Variants in DIAPH2 observed in about 807,000 individuals in gnomAD.
DIAPH2 encodes diaphanous related formin 2, also known as protein diaphanous homolog 2.
DIAPH2 carries 35 observed loss-of-function variants against 92.7 expected under a neutral mutation model. That is an observed-to-expected ratio of 0.38 (90% CI 0.29 to 0.50). The LOEUF (loss-of-function observed/expected upper bound fraction) is 0.50, where lower values mean the gene tolerates loss of function less well. Among genes scored for constraint, DIAPH2 ranks in the 20% least tolerant of loss-of-function variants. The pLI, the probability that DIAPH2 is intolerant of heterozygous loss-of-function variation, is 0.94. For missense variants in DIAPH2, 701 were observed against 819.5 expected (o/e 0.86, Z 1.77); for synonymous variants, 301 against 280.4 (o/e 1.07, Z -0.73).
intron 17 of DIAPH2, among the ~76,000 whole-genome samples, chrX:97,045,848 A>ATTTTTTTT (rs758666786): frequency 3.7e-4 from 24 of 64,422 alleles, no homozygotes; most frequent in African/African-American, 1.3e-3. Context: ...GTATTTTAGG[A>ATTTTTTTT]TTTTTTTTTT....
At chrX:97,308,490 C>T (rs1328417303) in intron 23 of DIAPH2, among the ~76,000 whole-genome samples, 4 of 110,743 alleles carry the variant, frequency 3.6e-5, no homozygotes, top group African/African-American at 1.3e-4. Flanking sequence ...TGTTAAAAAG[C>T]CTCTGCTAAG....
intron 26 of DIAPH2, among the ~76,000 whole-genome samples, chrX:97,577,964 A>G (rs1451299586): frequency 9.1e-6 from 1 of 110,410 alleles, no homozygotes; most frequent in Non-Finnish European, 1.9e-5. Context: ...ACTTGTTACC[A>G]TTTTTATTGT....
chrX:97,350,273 G>C (rs1348631438), intron 24 of DIAPH2, among the ~76,000 whole-genome samples: 1 of 110,790 alleles, frequency 9.0e-6, no homozygotes, highest in Non-Finnish European at 1.9e-5. Context: ...GAGACAGTGA[G>C]ACTCTCTGTC....
chrX:96,730,653 C>T (rs1314638273), intron 1 of DIAPH2, among the ~76,000 whole-genome samples: 1 of 111,910 alleles, frequency 8.9e-6, no homozygotes, highest in Non-Finnish European at 1.9e-5. Context: ...TCAGAACTCT[C>T]AGAAGCTTTA....
At chrX:96,881,812 G>C in intron 5 of DIAPH2, 94 bp downstream of exon 5, 1 of 940,714 alleles carries the variant, frequency 1.1e-6, no homozygotes, top group Non-Finnish European at 1.5e-6. Flanking sequence ...TAAACCTCAA[G>C]ATTTCCTGAC....
chrX:97,334,672 AAAAAC>A lies in DIAPH2; in HGVS notation c.2845-13429_2845-13425del, dbSNP rs1234646759. ...TTTATTTTACCACATGCTAGTTTAA[AAAAAC>A]AAAACAAAACAAAAAAAAAAACAGA... On this transcript the variant is annotated intron_variant, in intron 23 of 26. Transcript: ENST00000324765. Among the ~76,000 whole-genome samples the A allele has an allele frequency of 9.5e-5, 10 of 105,415 alleles. No homozygotes were observed. In the East Asian group the frequency reaches 1.2e-3, roughly 12 times the overall value. 91.5% of individuals were successfully genotyped at this position (105,415 alleles called of 115,157 possible). A position where few individuals can be genotyped will look rare whatever the true frequency, so the allele number is the denominator to read the frequency against.
chrX:97,417,291 C>T, intron 25 of DIAPH2, among the ~76,000 whole-genome samples: 1 of 110,545 alleles, frequency 9.0e-6, no homozygotes, highest in Admixed American at 9.7e-5. Context: ...AAGGATGATA[C>T]ACTCCTCAAT....
intron 25 of DIAPH2, among the ~76,000 whole-genome samples, chrX:97,427,168 ACT>A (rs1270334684): frequency 9.4e-6 from 1 of 106,535 alleles, no homozygotes; most frequent in Admixed American, 1.0e-4. Flanking sequence ...ACAGAGTGAG[ACT>A]CTGGCTCAAA....
chrX:97,050,996 G>A (rs755403195), intron 17 of DIAPH2, among the ~76,000 whole-genome samples: 1 of 111,380 alleles, frequency 9.0e-6, no homozygotes, highest in Non-Finnish European at 1.9e-5. Context: ...ATAGAATTTA[G>A]CTTTTGGTCT....
At chrX:96,991,292 A>AT (rs1333008844) in intron 17 of DIAPH2, among the ~76,000 whole-genome samples, 1 of 109,354 alleles carries the variant, frequency 9.1e-6, no homozygotes, top group East Asian at 2.9e-4. Context: ...ATTTTTTTGT[A>AT]TTTTTTGTAG....
chrX:97,410,292 A>G (rs565642203), intron 25 of DIAPH2, among the ~76,000 whole-genome samples: 2 of 111,803 alleles, frequency 1.8e-5, no homozygotes, highest in African/African-American at 6.5e-5. Context: ...CTTCCAGCAG[A>G]CTCCACCAGA....
At position 96,781,498 on chromosome X, in the gene DIAPH2, C is replaced by A. The variant is rs1376021774; in HGVS notation, c.447+23240C>A. Among the ~76,000 whole-genome samples, 3 of 111,297 alleles carry A rather than the reference C, an allele frequency of 2.7e-5. No homozygotes were observed. In the Admixed American group the frequency reaches 2.9e-4, roughly 11 times the overall value. ...ACCACATTCACTATCCATTTTATATCCATATCTTGATTTCTGCCCTTCTAA... is the reference window on the plus strand; with the variant it reads ...ACCACATTCACTATCCATTTTATATACATATCTTGATTTCTGCCCTTCTAA... On this transcript the variant is annotated intron_variant, in intron 4 of 26. Transcript: ENST00000324765.
intron 26 of DIAPH2, among the ~76,000 whole-genome samples, chrX:97,573,774 C>G (rs2071385246): frequency 9.3e-6 from 1 of 108,088 alleles, no homozygotes; most frequent in South Asian, 4.2e-4. Context: ...GATTCTCCAG[C>G]CTCAGCCTCC....
At chrX:96,707,177 G>C (rs2063890323) in intron 1 of DIAPH2, among the ~76,000 whole-genome samples, 1 of 108,876 alleles carries the variant, frequency 9.2e-6, no homozygotes. Context: ...CTGATGGATT[G>C]ATTGATTTAG....
At chrX:96,899,665 G>A (rs1397402897) in intron 5 of DIAPH2, among the ~76,000 whole-genome samples, 3 of 111,036 alleles carry the variant, frequency 2.7e-5, no homozygotes, top group Admixed American at 9.6e-5. Flanking sequence ...CAATCATGTC[G>A]TCTGCAAACA....
intron 23 of DIAPH2, among the ~76,000 whole-genome samples, chrX:97,253,185 G>A (rs1244316634): frequency 9.2e-6 from 1 of 109,231 alleles, no homozygotes; most frequent in African/African-American, 3.3e-5. Context: ...CTACTCAGGA[G>A]GCTGAGGCAG....
At chrX:97,148,882 G>T (rs1288874181) in intron 22 of DIAPH2, among the ~76,000 whole-genome samples, 2 of 111,111 alleles carry the variant, frequency 1.8e-5, no homozygotes, top group Non-Finnish European at 3.8e-5. Flanking sequence ...TCCACACTTT[G>T]CTTCTTCAAG....
chrX:97,208,156 G>C (rs746134264), intron 22 of DIAPH2, among the ~76,000 whole-genome samples: 2 of 111,888 alleles, frequency 1.8e-5, no homozygotes, highest in East Asian at 5.6e-4. Flanking sequence ...AGAAAGAAAA[G>C]TGAATCAGCA....
intron 4 of DIAPH2, among the ~76,000 whole-genome samples, chrX:96,844,768 G>A (rs2064960211): frequency 9.0e-6 from 1 of 111,258 alleles, no homozygotes; most frequent in Non-Finnish European, 1.9e-5. Flanking sequence ...GGGATATTTA[G>A]CATATTGCAG....
Sources: allele counts gnomAD v4.1 joint callset (sites outside exome capture counted in the v4.1 genomes callset), GRCh38; gene constraint gnomAD v4.1.1; transcripts MANE v1.5; gene names NCBI Gene and HGNC (gene_info 2026-07-23, HGNC 2026-07-21).